Variants in AXDND1 observed in about 807,000 individuals in gnomAD.
AXDND1 encodes axonemal dynein light chain domain containing 1.
Under a neutral mutation model 137.5 loss-of-function variants are expected in AXDND1, and 110 were observed. The observed-to-expected ratio is 0.80, with a 90% CI of 0.69 to 0.94. The LOEUF is 0.94. AXDND1 is among the 40% of genes least tolerant of loss of function. The pLI, the probability that AXDND1 is intolerant of heterozygous loss-of-function variation, is 0.00. For synonymous variants in AXDND1, 414 were observed against 399.7 expected (o/e 1.04, Z -0.43); for missense variants, 1,191 against 1,169.8 (o/e 1.02, Z -0.26).
chr1:179,546,275 G>A (rs1298365360), intron 25 of AXDND1: 1 of 151,040 alleles, frequency 6.6e-6, no homozygotes, highest in Non-Finnish European at 1.5e-5. Flanking sequence ...GGAAATCAGG[G>A]TGGGGTTAGG....
intron 20 of AXDND1, among the ~76,000 whole-genome samples, chr1:179,495,896 C>CTTTT (rs34788199): frequency 6.9e-5 from 8 of 116,400 alleles, no homozygotes; most frequent in African/African-American, 9.3e-5. Context: ...GCTGAAAATT[C>CTTTT]TTTTTTTTTT....
At chr1:179,379,329 T>G in intron 5 of AXDND1, 68 bp from the exon 6 acceptor site, 1 of 1,501,610 alleles carries the variant, frequency 6.7e-7, no homozygotes, top group Non-Finnish European at 9.0e-7. Flanking sequence ...GGAATTAGGA[T>G]TTGTGCAAGT....
intron 11 of AXDND1, among the ~76,000 whole-genome samples, chr1:179,410,087 G>GT (rs747472202): frequency 5.3e-4 from 81 of 151,638 alleles, no homozygotes; most frequent in Non-Finnish European, 9.1e-4. Flanking sequence ...ACCTGTATAA[G>GT]TTTTTTTTTA....
At chr1:179,449,427 A>T (rs7522064) in intron 16 of AXDND1, 138,699 of 158,644 alleles carry the variant, frequency 0.87, 60,762 homozygotes, top group Admixed American at 0.9. Flanking sequence ...TCTTGCTTTA[A>T]AGCAAGTTTC....
chr1:179,523,399 A>T (rs1483838843), intron 21 of AXDND1, among the ~76,000 whole-genome samples: 1 of 152,186 alleles, frequency 6.6e-6, no homozygotes, highest in East Asian at 1.9e-4. Flanking sequence ...TTATTGAGAC[A>T]CAATTCATGT....
chr1:179,404,205 C>T (rs1364228325), intron 11 of AXDND1, among the ~76,000 whole-genome samples: 1 of 147,916 alleles, frequency 6.8e-6, no homozygotes, highest in East Asian at 2.0e-4. Context: ...CTGTGTTCAT[C>T]TGTGAGCTTT....
chr1:179,431,245 G>T (rs770059204), intron 14 of AXDND1, among the ~76,000 whole-genome samples: 3 of 152,014 alleles, frequency 2.0e-5, no homozygotes, highest in Non-Finnish European at 4.4e-5. Flanking sequence ...GGGTTCAAGC[G>T]ATTCTCCCAC....
At chr1:179,458,575 C>G (rs1449495019) in intron 16 of AXDND1, among the ~76,000 whole-genome samples, 1 of 151,862 alleles carries the variant, frequency 6.6e-6, no homozygotes, top group Non-Finnish European at 1.5e-5. Context: ...AGAATATATT[C>G]CAGGAATGCA....
intron 16 of AXDND1, among the ~76,000 whole-genome samples, chr1:179,466,321 T>C (rs578248984): frequency 6.8e-6 from 1 of 147,004 alleles, no homozygotes; most frequent in East Asian, 2.0e-4. Context: ...GGTCTAATTA[T>C]GTTGCCTAGG....
At chr1:179,468,930 C>T (rs545791476) in intron 17 of AXDND1, among the ~76,000 whole-genome samples, 1 of 144,540 alleles carries the variant, frequency 6.9e-6, no homozygotes, top group Non-Finnish European at 1.5e-5. Context: ...TTGTTATGAA[C>T]AATTTTTTTT....
chr1:179,466,744 T>C (rs536368287), intron 16 of AXDND1, among the ~76,000 whole-genome samples: 1 of 152,324 alleles, frequency 6.6e-6, no homozygotes, highest in South Asian at 2.1e-4. Flanking sequence ...CTGTTTCTGA[T>C]TGAATGTTGG....
chr1:179,403,432 A>G (rs957987627), intron 11 of AXDND1, among the ~76,000 whole-genome samples: 1 of 152,212 alleles, frequency 6.6e-6, no homozygotes, highest in Non-Finnish European at 1.5e-5. Flanking sequence ...GACACTTCGT[A>G]TAGGTACCAT....
rs577313810 is a variant in AXDND1, at chr1:179,465,283, C to T, written c.1799-3160C>T. Among the ~76,000 whole-genome samples the T allele has an allele frequency of 7.9e-5, 12 of 152,282 alleles. No individual in the cohort carries two copies. In the South Asian group the frequency reaches 1.9e-3, roughly 24 times the overall value. On this transcript the variant is annotated intron_variant, in intron 16 of 25. Transcript: ENST00000367618. The stretch of plus-strand genomic sequence containing the variant: ...TACCTTTGATCTTTGTTGATGGTGA[C>T]GTACAGATGTGGTTTTGTTGTGGAT...
intron 9 of AXDND1, among the ~76,000 whole-genome samples, chr1:179,385,642 T>C (rs904989796): frequency 3.3e-5 from 5 of 152,168 alleles, no homozygotes; most frequent in African/African-American, 9.7e-5. Context: ...CACAGCTCCC[T>C]GGGGAGAAGC....
chr1:179,458,029 G>T (rs1370110870), intron 16 of AXDND1, among the ~76,000 whole-genome samples: 1 of 141,710 alleles, frequency 7.1e-6, no homozygotes, highest in Non-Finnish European at 1.5e-5. Flanking sequence ...TTACTCTGTT[G>T]CTGAGGCCTG....
Position 179,393,917 on chromosome 1 carries a change from A to C in AXDND1, c.878A>C (p.Gln293Pro). The C allele has an allele frequency of 6.2e-7, 1 of 1,607,198 alleles. No homozygotes were observed. Among genetic ancestry groups the C allele is most frequent in the Non-Finnish European group, 8.5e-7 (1 of 1,177,768 alleles). The change falls in exon 10 of 26, where the codon CAA becomes CCA. Residue 293 changes from glutamine (Q) to proline (P), a missense_variant. By Grantham distance (76) the Gln-to-Pro change is moderately conservative. Coordinates refer to ENST00000367618, the MANE Select transcript of AXDND1 (RefSeq NM_144696.6). ...TTGTCATGCAGAGAGAGGTATGTGCAAATGCTTGACCAGATTGCTCGGCAG... is the reference window on the plus strand; with the variant it reads ...TTGTCATGCAGAGAGAGGTATGTGCCAATGCTTGACCAGATTGCTCGGCAG... The part of the protein sequence containing the change: ...LLSKVRERYV[Q>P]MLDQIARQMI...
intron 16 of AXDND1, chr1:179,451,185 G>A (rs1163672488): frequency 6.6e-6 from 1 of 152,086 alleles, no homozygotes; most frequent in Non-Finnish European, 1.5e-5. Context: ...TTGAATGCTT[G>A]ATAATATTTA....
intron 2 of AXDND1, among the ~76,000 whole-genome samples, chr1:179,367,170 A>G (rs1309503640): frequency 6.6e-6 from 1 of 150,626 alleles, no homozygotes; most frequent in Non-Finnish European, 1.5e-5. Flanking sequence ...GCAGTGAGCC[A>G]GGATCGAGCC....
In AXDND1 at chr1:179,489,142, AT is replaced by A. The variant is rs1666550546; in HGVS notation, c.2092-2395del. Among the ~76,000 whole-genome samples, 2 of 152,108 alleles carry A rather than the reference AT, an allele frequency of 1.3e-5. 1 individual carries two copies. Among genetic ancestry groups the A allele is most frequent in the African/African-American group, 4.8e-5 (2 of 41,378 alleles). ...TTCACAAAAGAAAAGCAGTCAATTC[AT>A]CTTAAAATGTCTTTTAAGAATTTTA... On this transcript the variant is annotated intron_variant, in intron 18 of 25. Coordinates refer to ENST00000367618, the MANE Select transcript of AXDND1 (RefSeq NM_144696.6).
Sources: gnomAD v4.1 joint callset for allele counts (sites outside exome capture counted in the v4.1 genomes callset) on GRCh38, gnomAD v4.1.1 for gene constraint, MANE v1.5 for transcripts, NCBI Gene and HGNC (gene_info 2026-07-23, HGNC 2026-07-21) for gene names.